The following PARD3B variants were observed in gnomAD, a reference collection of about 807,000 sequenced individuals.
The protein encoded by PARD3B is partitioning defective 3 homolog B.
A neutral mutation model predicts 130.2 loss-of-function variants in PARD3B; 103 were observed. That is an observed-to-expected ratio of 0.79 (90% confidence interval 0.67 to 0.93). PARD3B has a LOEUF of 0.93. Ranked by LOEUF, PARD3B falls within the 40% of genes least tolerant of loss-of-function variation. The pLI is 0.00. For missense variants in PARD3B, 1,609 were observed against 1,499.2 expected, an observed-to-expected ratio of 1.07 and a Z score of -1.21; for synonymous variants, 583 against 553.2, an observed-to-expected ratio of 1.05 and a Z score of -0.76.
intron 1 of PARD3B, among the ~76,000 whole-genome samples, chr2:204,607,390 A>G (rs574870092): frequency 1.3e-5 from 2 of 152,234 alleles, no homozygotes; most frequent in African/African-American, 4.8e-5. Flanking sequence ...ATGGGCTACT[A>G]TGGGAATAGC....
intron 20 of PARD3B, among the ~76,000 whole-genome samples, chr2:205,464,131 G>A (rs991792966): frequency 9.2e-5 from 14 of 152,152 alleles, no homozygotes; most frequent in Admixed American, 5.2e-4. Context: ...TCTTGGTGGT[G>A]GAAACATGGA....
intron 21 of PARD3B, among the ~76,000 whole-genome samples, chr2:205,511,106 G>A (rs975703377): frequency 6.8e-6 from 1 of 147,620 alleles, no homozygotes; most frequent in Admixed American, 7.0e-5. Flanking sequence ...TATGAAAACT[G>A]TCTTCTATCT....
chr2:205,337,179 C>T (rs62171504), intron 18 of PARD3B, among the ~76,000 whole-genome samples: 5,193 of 152,242 alleles, frequency 0.034, 105 homozygotes, highest in Middle Eastern at 0.058. Context: ...CAAACACCAG[C>T]AACACCTTTC....
chr2:205,196,822 A>C lies in PARD3B; in HGVS notation c.2140+3502A>C, dbSNP rs143559023. Among the ~76,000 whole-genome samples, 24 of 152,248 alleles carry C rather than the reference A, an allele frequency of 1.6e-4. No individual in the cohort carries two copies. The East Asian group carries it at 4.4e-3, about 28-fold the overall frequency. The stretch of plus-strand genomic sequence containing the variant: ...AGACATACTATTCTGTTGATATATT[A>C]GTCCATCTCATGTCAGCATCACCCC... On this transcript the variant is annotated intron_variant, in intron 15 of 22. Transcript: ENST00000406610.
chr2:204,923,816 T>A (rs549338577), intron 2 of PARD3B, among the ~76,000 whole-genome samples: 1 of 152,212 alleles, frequency 6.6e-6, no homozygotes, highest in African/African-American at 2.4e-5. Context: ...CTTTTATTGA[T>A]AATTTTTATA....
intron 2 of PARD3B, among the ~76,000 whole-genome samples, chr2:204,921,759 A>G (rs951185092): frequency 1.3e-5 from 2 of 152,152 alleles, no homozygotes; most frequent in South Asian, 2.1e-4. Flanking sequence ...GAAAAGTTTC[A>G]TGGTAGTGTG....
intron 21 of PARD3B, among the ~76,000 whole-genome samples, chr2:205,522,379 A>C (rs1278899151): frequency 4.0e-3 from 606 of 151,912 alleles, no homozygotes; most frequent in African/African-American, 0.014. Context: ...TAGGTTTTTT[A>C]TTTAAGTTTT....
intron 19 of PARD3B, among the ~76,000 whole-genome samples, chr2:205,414,073 G>A (rs2106064315): frequency 6.6e-6 from 1 of 152,112 alleles, no homozygotes; most frequent in Admixed American, 6.6e-5. Flanking sequence ...GTATTTTGGG[G>A]GCAGGCATAA....
At chr2:204,956,806 C>T (rs370422769) in intron 2 of PARD3B, among the ~76,000 whole-genome samples, 4 of 152,242 alleles carry the variant, frequency 2.6e-5, no homozygotes, top group African/African-American at 7.2e-5. Context: ...ATGTTATTGA[C>T]AAGGCAGGTA....
At chr2:205,107,247 A>C (rs1703292230) in intron 5 of PARD3B, among the ~76,000 whole-genome samples, 1 of 152,212 alleles carries the variant, frequency 6.6e-6, no homozygotes, top group Non-Finnish European at 1.5e-5. Context: ...CTGTTGGATA[A>C]AATGTTTTAA....
At position 205,618,120 on chromosome 2, in the gene PARD3B, G is replaced by A. The variant is rs971417934; in HGVS notation, c.*2307G>A. The A allele has an allele frequency of 1.3e-5, 2 of 152,192 alleles. No individual in the cohort carries two copies. Among genetic ancestry groups the A allele is most frequent in the African/African-American group, 2.4e-5 (1 of 41,454 alleles). The allele number at this position is 152,192 out of a possible 1,614,324, so 9.4% of individuals were successfully genotyped here. On this transcript the variant is annotated 3_prime_UTR_variant, in exon 23 of 23. Coordinates refer to ENST00000406610, the MANE Select transcript of PARD3B (RefSeq NM_001302769.2). ...AGCTGGGTTTTGTGTTGCATACAAA[G>A]TCAATAAAATAGTTGCTAATCCTGA...
At chr2:205,388,888 T>C (rs1201534386) in intron 18 of PARD3B, among the ~76,000 whole-genome samples, 1 of 152,204 alleles carries the variant, frequency 6.6e-6, no homozygotes, top group Non-Finnish European at 1.5e-5. Flanking sequence ...ATAACAACTA[T>C]ACTTAAAATA....
intron 20 of PARD3B, among the ~76,000 whole-genome samples, chr2:205,443,153 A>G (rs1008330926): frequency 6.6e-6 from 1 of 152,118 alleles, no homozygotes; most frequent in African/African-American, 2.4e-5. Context: ...TACTATTATT[A>G]TTACTCTCCT....
At chr2:204,839,010 A>G (rs2044165336) in intron 2 of PARD3B, among the ~76,000 whole-genome samples, 1 of 152,188 alleles carries the variant, frequency 6.6e-6, no homozygotes, top group Non-Finnish European at 1.5e-5. Flanking sequence ...CCATGAAGTT[A>G]AAGTCATATG....
chr2:204,627,297 T>G (rs1194476522), intron 1 of PARD3B, among the ~76,000 whole-genome samples: 1 of 152,182 alleles, frequency 6.6e-6, no homozygotes, highest in African/African-American at 2.4e-5. Context: ...TAATCCATCT[T>G]ATATTTTGAT....
In PARD3B at chr2:204,606,080, A is replaced by G. The variant is rs540399246; in HGVS notation, c.120+59961A>G. On this transcript the variant is annotated intron_variant, in intron 1 of 22. Transcript: ENST00000406610. This position sits in a 1 kb window ranked among gnomAD's most constrained non-coding sequence, Gnocchi z 4.0. ...GCTTTAGAGGGTTTTCAGTAGATGG[A>G]AACTGGAATTTTATATCTCATTTCA... Among the ~76,000 whole-genome samples, 32 of 152,236 alleles carry G rather than the reference A, an allele frequency of 2.1e-4. No homozygotes were observed. In the South Asian group the frequency reaches 6.4e-3, roughly 31 times the overall value.
intron 21 of PARD3B, among the ~76,000 whole-genome samples, chr2:205,552,975 G>A (rs1015898942): frequency 7.2e-5 from 11 of 152,068 alleles, no homozygotes; most frequent in Non-Finnish European, 1.6e-4. Context: ...CCTGTTCAAT[G>A]TTTCTGTAAA....
chr2:204,915,526 A>G (rs990932372), intron 2 of PARD3B, among the ~76,000 whole-genome samples: 3 of 152,338 alleles, frequency 2.0e-5, no homozygotes, highest in African/African-American at 7.2e-5. Flanking sequence ...ACTAAAATAT[A>G]TAACATTTTC....
chr2:204,899,817 TCA>T (rs2046792536), intron 2 of PARD3B, among the ~76,000 whole-genome samples: 1 of 152,206 alleles, frequency 6.6e-6, no homozygotes, highest in South Asian at 2.1e-4. Flanking sequence ...ATGAAATTCC[TCA>T]GTTTTTGTCT....
Sources: gnomAD v4.1 joint callset for allele counts (sites outside exome capture counted in the v4.1 genomes callset) on GRCh38, gnomAD v4.1.1 for gene constraint, Gnocchi (gnomAD v3.1) non-coding constraint, MANE v1.5 for transcripts, NCBI Gene and HGNC (gene_info 2026-07-23, HGNC 2026-07-21) for gene names.